The following PRKCI variants were observed in gnomAD, a reference collection of about 807,000 sequenced individuals.
PRKCI encodes protein kinase C iota type.
In PRKCI, 43 loss-of-function variants were observed where a neutral mutation model predicts 84.0. The ratio of observed to expected loss-of-function variants is 0.51; its 90% CI spans 0.40 to 0.66. The LOEUF (loss-of-function observed/expected upper bound fraction) is 0.66. Among genes scored for constraint, PRKCI ranks in the 30% least tolerant of loss-of-function variants. The pLI is 0.00. For synonymous variants in PRKCI, 216 were observed against 234.4 expected (o/e 0.92, Z 0.72); for missense variants, 459 against 745.6 (o/e 0.62, Z 4.48).
At chr3:170,242,709 C>T (rs1380868871) in intron 2 of PRKCI, among the ~76,000 whole-genome samples, 1 of 151,808 alleles carries the variant, frequency 6.6e-6, no homozygotes, top group African/African-American at 2.4e-5. Context: ...CTTGCTCTGT[C>T]GCCCAGGCTG....
chr3:170,276,127 C>G (rs180960377), intron 8 of PRKCI, among the ~76,000 whole-genome samples: 44 of 152,082 alleles, frequency 2.9e-4, no homozygotes, highest in African/African-American at 9.4e-4. Flanking sequence ...TTTGTAGAGA[C>G]AGAGTCTCAC....
chr3:170,237,546 A>G (rs1733010322), intron 2 of PRKCI, among the ~76,000 whole-genome samples: 1 of 152,186 alleles, frequency 6.6e-6, no homozygotes. Context: ...AAAAAAAGAG[A>G]GAAGATACCC....
chr3:170,303,662 C>G lies in PRKCI; in HGVS notation c.*535C>G, dbSNP rs115170199. On this transcript the variant is annotated 3_prime_UTR_variant, in exon 18 of 18. Coordinates refer to ENST00000295797, the MANE Select transcript of PRKCI (RefSeq NM_002740.6). ...AAATTATTGATCTTTTTTAAGGCAGCAGTTATTAAATTGGTAATAGAAGAT... is the reference window on the plus strand; with the variant it reads ...AAATTATTGATCTTTTTTAAGGCAGGAGTTATTAAATTGGTAATAGAAGAT... 0.021 allele frequency: 4,629 copies of G among 221,690 alleles called. 214 individuals carry two copies. Among genetic ancestry groups the G allele is most frequent in the African/African-American group, 0.097 (4,337 of 44,806 alleles). The allele number at this position is 221,690 out of a possible 1,614,324, so 13.7% of individuals were successfully genotyped here.
intron 3 of PRKCI, among the ~76,000 whole-genome samples, chr3:170,262,459 A>G (rs923863268): frequency 6.6e-6 from 1 of 152,046 alleles, no homozygotes; most frequent in East Asian, 1.9e-4. Context: ...CTTCTGATGC[A>G]TTGGTTTTTT....
chr3:170,301,390 T>C (rs1455089052), intron 17 of PRKCI, among the ~76,000 whole-genome samples: 1 of 152,204 alleles, frequency 6.6e-6, no homozygotes. Context: ...CCGTTAGATC[T>C]CCTGAGCTGC....
Position 170,270,463 on chromosome 3 carries a change from G to A in PRKCI, c.493G>A (p.Gly165Arg). Reference sequence around the variant, plus strand: ...CTGCACAGACCGAATATGGGGACTTGGACGCCAAGGATATAAGTGCATCAA... The same window carrying A: ...CTGCACAGACCGAATATGGGGACTTAGACGCCAAGGATATAAGTGCATCAA... ...AICTDRIWGL[G>R]RQGYKCINCK... Residue 165 changes from glycine to arginine, a missense_variant, in exon 6 of 18, where the codon GGA becomes AGA. Physicochemically the swap from Gly to Arg is moderately radical, Grantham distance 125. Coordinates refer to ENST00000295797, the MANE Select transcript of PRKCI (RefSeq NM_002740.6). The A allele has an allele frequency of 6.2e-7, 1 of 1,613,602 alleles. No individual in the cohort carries two copies. The highest frequency in any genetic ancestry group is 8.5e-7 in the Non-Finnish European group (1 of 1,179,818).
chr3:170,242,316 C>T (rs1327063055), intron 2 of PRKCI, among the ~76,000 whole-genome samples: 1 of 151,934 alleles, frequency 6.6e-6, no homozygotes, highest in African/African-American at 2.4e-5. Context: ...AGGGCTCATG[C>T]CTGTAATTCC....
intron 4 of PRKCI, among the ~76,000 whole-genome samples, chr3:170,264,360 A>G (rs528740714): frequency 3.3e-5 from 5 of 151,978 alleles, no homozygotes; most frequent in East Asian, 1.9e-4. Flanking sequence ...GCTCATTGCA[A>G]CCTTCACCTC....
chr3:170,232,657 C>T (rs1004744390), intron 1 of PRKCI, among the ~76,000 whole-genome samples: 4 of 151,964 alleles, frequency 2.6e-5, no homozygotes, highest in African/African-American at 9.7e-5. Flanking sequence ...GCCTTGAACT[C>T]CTGGGCTCAA....
At chr3:170,238,545 A>G (rs1180075771) in intron 2 of PRKCI, among the ~76,000 whole-genome samples, 1 of 139,532 alleles carries the variant, frequency 7.2e-6, no homozygotes, top group East Asian at 2.1e-4. Context: ...CATTTGGACT[A>G]TTTCTAGTTT....
At position 170,281,963 on chromosome 3, in the gene PRKCI, T is replaced by C; in HGVS notation, c.1062T>C (p.His354=). Residue 354 remains histidine (H), a synonymous_variant, in exon 11 of 18, where the codon CAT becomes CAC. Transcript: ENST00000295797. ...MQRQRKLPEE[H]ARFYSAEISL... ...GACAAAGAAAACTTCCTGAAGAACA[T>C]GCCAGGTGAGTTTTTGTTTACTGTT... 27 of 1,610,980 alleles carry C rather than the reference T, an allele frequency of 1.7e-5. No homozygotes were observed. The highest frequency in any genetic ancestry group is 2.2e-5 in the Non-Finnish European group (26 of 1,178,514).
intron 6 of PRKCI, among the ~76,000 whole-genome samples, chr3:170,272,333 G>A (rs1262286510): frequency 6.6e-6 from 1 of 152,186 alleles, no homozygotes. Flanking sequence ...TTGTCCTTTA[G>A]AATTGTTATT....
intron 2 of PRKCI, among the ~76,000 whole-genome samples, chr3:170,243,633 C>A (rs2108840791): frequency 6.6e-6 from 1 of 152,296 alleles, no homozygotes; most frequent in African/African-American, 2.4e-5. Flanking sequence ...TCATCCCAGG[C>A]ACATCCTTGG....
At chr3:170,302,887 T>C (rs910899347) in intron 17 of PRKCI, among the ~76,000 whole-genome samples, 153 bp from the exon 18 acceptor site, 1 of 152,212 alleles carries the variant, frequency 6.6e-6, no homozygotes, top group Admixed American at 6.5e-5. Context: ...CCATTCTTGA[T>C]TCGTCTAGAA....
chr3:170,244,043 G>T (rs898351365), intron 2 of PRKCI, among the ~76,000 whole-genome samples: 1 of 152,190 alleles, frequency 6.6e-6, no homozygotes, highest in African/African-American at 2.4e-5. Flanking sequence ...GCTGGTTCCT[G>T]ACAGTGCCTA....
At chr3:170,244,696 A>G (rs1733224245) in intron 2 of PRKCI, 1 of 152,180 alleles carries the variant, frequency 6.6e-6, no homozygotes, top group Non-Finnish European at 1.5e-5. Context: ...AGATTTTATT[A>G]CATGTACACG....
intron 2 of PRKCI, among the ~76,000 whole-genome samples, chr3:170,253,918 GAA>G (rs1560172871): frequency 6.6e-6 from 1 of 151,910 alleles, no homozygotes; most frequent in Non-Finnish European, 1.5e-5. Flanking sequence ...CCAACATGGT[GAA>G]ACCCTGTCTC....
intron 2 of PRKCI, among the ~76,000 whole-genome samples, chr3:170,238,593 TC>T: frequency 6.7e-6 from 1 of 150,154 alleles, no homozygotes; most frequent in Non-Finnish European, 1.5e-5. Context: ...ACATTTCTTT[TC>T]TTTTTTTTTT....
Position 170,281,903 on chromosome 3 carries a change from T to C in PRKCI, c.1002T>C (p.Tyr334=), listed in dbSNP as rs1560181925. 6.2e-7 allele frequency: 1 copy of C among 1,610,770 alleles called. No individual in the cohort carries two copies. ...TTAGATTGTTCTTTGTTATAGAGTATGTAAATGGAGGAGACCTAATGTTTC... is the reference window on the plus strand; with the variant it reads ...TTAGATTGTTCTTTGTTATAGAGTACGTAAATGGAGGAGACCTAATGTTTC... The part of the protein sequence containing the change: ...TESRLFFVIE[Y]VNGGDLMFHM... The change falls in exon 11 of 18, where the codon TAT becomes TAC. Residue 334 remains tyrosine, a synonymous_variant. Coordinates refer to ENST00000295797, the MANE Select transcript of PRKCI (RefSeq NM_002740.6).
Sources: gnomAD v4.1 joint callset for allele counts (sites outside exome capture counted in the v4.1 genomes callset) on GRCh38, gnomAD v4.1.1 for gene constraint, MANE v1.5 for transcripts, NCBI Gene and HGNC (gene_info 2026-07-23, HGNC 2026-07-21) for gene names.